Variants in XK observed in about 807,000 individuals in gnomAD.
XK encodes the protein endoplasmic reticulum membrane adapter protein XK.
XK carries 2 observed loss-of-function variants against 14.0 expected under a neutral mutation model. The observed-to-expected ratio is 0.14, with a 90% CI of 0.06 to 0.45. The LOEUF (loss-of-function observed/expected upper bound fraction) is 0.45, where lower values mean the gene tolerates loss of function less well. XK is among the 20% of genes least tolerant of loss of function. XK has a pLI of 0.98. For synonymous variants in XK, 149 were observed against 147.5 expected (o/e 1.01, Z -0.08); for missense variants, 235 against 341.5 (o/e 0.69, Z 2.46).
intron 1 of XK, among the ~76,000 whole-genome samples, chrX:37,692,602 T>C (rs1927224166): frequency 1.8e-5 from 2 of 111,689 alleles, no homozygotes; most frequent in African/African-American, 3.3e-5. Context: ...GGTTTCACCA[T>C]GTTGGCCAGA....
chrX:37,685,991 C>T lies in XK; in HGVS notation c.30C>T (p.Ser10=). ...AATTCCCGGCCTCGGTGCTGGCGTC[C>T]GTGTTCCTGTTCGTGGCCGAGACAA... MKFPASVLA[S]VFLFVAETTA... is the part of the protein sequence containing the mutation. Residue 10 remains serine, a synonymous_variant, in exon 1 of 3, where the codon TCC becomes TCT. Coordinates refer to ENST00000378616, the MANE Select transcript of XK (RefSeq NM_021083.4). The T allele has an allele frequency of 3.3e-6, 4 of 1,207,796 alleles. No individual in the cohort carries two copies. Among genetic ancestry groups the T allele is most frequent in the Non-Finnish European group, 4.5e-6 (4 of 894,085 alleles).
intron 2 of XK, among the ~76,000 whole-genome samples, chrX:37,716,024 A>G (rs1387651708): frequency 1.8e-5 from 2 of 111,692 alleles, no homozygotes; most frequent in Non-Finnish European, 3.8e-5. Context: ...GCGGGAAGAC[A>G]TATGCCTCCT....
chrX:37,711,202 G>C (rs1927657829), intron 2 of XK, among the ~76,000 whole-genome samples: 1 of 112,500 alleles, frequency 8.9e-6, no homozygotes, highest in South Asian at 3.7e-4. Flanking sequence ...ATTTAGTATG[G>C]AGGCAGGAAT....
In XK at chrX:37,699,779, G is replaced by A. The variant is rs1341434103; in HGVS notation, c.508+5231G>A. ...CAGTTATTAGGGTGAGCAGGTTCCT[G>A]TCAGAAACATTTTGAGGCCGGGCTT... is the stretch of plus-strand genomic sequence containing the variant. On this transcript the variant is annotated intron_variant, in intron 2 of 2. Coordinates refer to ENST00000378616, the MANE Select transcript of XK (RefSeq NM_021083.4). Among the ~76,000 whole-genome samples the A allele has an allele frequency of 8.0e-5, 9 of 111,822 alleles. No individual in the cohort carries two copies. In the East Asian group the frequency reaches 2.2e-3, roughly 28 times the overall value.
intron 2 of XK, among the ~76,000 whole-genome samples, chrX:37,716,798 T>TTTTG (rs782086867): frequency 3.6e-5 from 4 of 111,788 alleles, no homozygotes; most frequent in African/African-American, 6.5e-5. Flanking sequence ...GGAAGAGTTT[T>TTTTG]TTTGTTTGTT....
chrX:37,690,400 T>C (rs1312079095), intron 1 of XK, among the ~76,000 whole-genome samples: 1 of 112,409 alleles, frequency 8.9e-6, no homozygotes, highest in Non-Finnish European at 1.9e-5. Context: ...AGTATTTCTT[T>C]GGAAAAAGTA....
intron 2 of XK, among the ~76,000 whole-genome samples, chrX:37,725,123 T>A (rs1556449760): frequency 9.0e-6 from 1 of 111,272 alleles, no homozygotes. Flanking sequence ...TCTAAAAAAG[T>A]CAAATTGATA....
chrX:37,727,665 A>G lies in XK; in HGVS notation c.538A>G (p.Ile180Val), dbSNP rs1556450304. Residue 180 changes from isoleucine (I) to valine (V), a missense_variant, in exon 3 of 3, where the codon ATT (isoleucine) becomes GTT (valine). Transcript: ENST00000378616. The part of the protein sequence containing the change: ...SLLMTISLLS[I>V]VYGALRCNIL... ...CCTCATGACCATATCCCTGTTGTCC[A>G]TTGTGTATGGAGCCTTGCGCTGCAA... 4.1e-6 allele frequency: 5 copies of G among 1,208,256 alleles called. No individual in the cohort carries two copies. Among genetic ancestry groups the G allele is most frequent in the Admixed American group, 2.2e-5 (1 of 45,639 alleles).
In XK at chrX:37,694,551, A is replaced by AC. The variant is rs1556442220; in HGVS notation, c.508+4dup. The AC allele has an allele frequency of 8.4e-7, 1 of 1,186,637 alleles. No individual in the cohort carries two copies. The highest frequency in any genetic ancestry group is 1.8e-5 in the African/African-American group (1 of 56,829). On this transcript the variant is annotated splice_donor_region_variant and intron_variant, in intron 2 of 2. Transcript: ENST00000378616. ...GCAGGACGTCACTGTTGGAAGAAGT[A>AC]CGTGTATTTTTTATTTCTGCCTGCA...
intron 2 of XK, among the ~76,000 whole-genome samples, chrX:37,699,592 A>G (rs1927370738): frequency 8.9e-6 from 1 of 112,333 alleles, no homozygotes; most frequent in African/African-American, 3.2e-5. Flanking sequence ...TATAGCTTAC[A>G]GAAGAATGTA....
chrX:37,732,064 C>A lies in XK; in HGVS notation c.*3602C>A, dbSNP rs1296221104. 9.0e-6 allele frequency: 1 copy of A among 111,621 alleles called. No homozygotes were observed. The highest frequency in any genetic ancestry group is 1.9e-5 in the Non-Finnish European group (1 of 53,013). 9.2% of individuals were successfully genotyped at this position (111,621 alleles called of 1,213,427 possible). A position where few individuals can be genotyped will look rare whatever the true frequency, so the allele number is the denominator to read the frequency against. ...CTTTCGTTGACTGCTTCTCTGCAGT[C>A]GTTGATGCTAATAAATATTGTCCTG... On this transcript the variant is annotated 3_prime_UTR_variant, in exon 3 of 3. Transcript: ENST00000378616.
intron 1 of XK, among the ~76,000 whole-genome samples, chrX:37,694,018 C>G (rs1556442057): frequency 1.8e-5 from 2 of 112,158 alleles, no homozygotes. Context: ...GAACCACTTT[C>G]CATTCTCTAA....
intron 1 of XK, among the ~76,000 whole-genome samples, chrX:37,687,953 G>C (rs113927209): frequency 0.019 from 2,066 of 110,799 alleles, 41 homozygotes; most frequent in African/African-American, 0.065. Context: ...TCCTAGCCAG[G>C]TAAGCCCTGT....
rs1370758993 is a variant in XK at position 37,731,543 on chromosome X, A to T, written c.*3081A>T. 1.8e-5 allele frequency: 2 copies of T among 112,573 alleles called. No individual in the cohort carries two copies. Among genetic ancestry groups the T allele is most frequent in the Admixed American group, 9.4e-5 (1 of 10,624 alleles). 9.3% of individuals were successfully genotyped at this position (112,573 alleles called of 1,213,427 possible). ...TTGAAAATGTTTTTAAGTGCTATGCATATTTATAGAGTTATTATAGTTATT... is the reference window on the plus strand; with the variant it reads ...TTGAAAATGTTTTTAAGTGCTATGCTTATTTATAGAGTTATTATAGTTATT... On this transcript the variant is annotated 3_prime_UTR_variant, in exon 3 of 3. Coordinates refer to ENST00000378616, the MANE Select transcript of XK (RefSeq NM_021083.4).
At position 37,729,988 on chromosome X, in the gene XK, A is replaced by G. The variant is rs185849854; in HGVS notation, c.*1526A>G. 2 of 112,173 alleles carry G rather than the reference A, an allele frequency of 1.8e-5. No homozygotes were observed. Among genetic ancestry groups the G allele is most frequent in the Admixed American group, 1.9e-4 (2 of 10,574 alleles). The allele number at this position is 112,173 out of a possible 1,213,427, so 9.2% of individuals were successfully genotyped here. ...CATTCGGAGGTCAAGAAAGCAGTAT[A>G]TATTCTTTCACAAGGCATCCATACT... On this transcript the variant is annotated 3_prime_UTR_variant, in exon 3 of 3. Transcript: ENST00000378616.
chrX:37,726,389 G>A (rs781919976), intron 2 of XK, among the ~76,000 whole-genome samples: 1 of 112,110 alleles, frequency 8.9e-6, no homozygotes, highest in East Asian at 2.8e-4. Flanking sequence ...TTATGGGTGA[G>A]AAAACAGAAC....
At chrX:37,718,952 A>G (rs1927817729) in intron 2 of XK, among the ~76,000 whole-genome samples, 1 of 111,206 alleles carries the variant, frequency 9.0e-6, no homozygotes, top group Non-Finnish European at 1.9e-5. Flanking sequence ...CCTTGTTCAT[A>G]CCTTCTTGTA....
chrX:37,685,957 C>T lies in XK; in HGVS notation c.-5C>T. 1 of 1,205,070 alleles carries T rather than the reference C, an allele frequency of 8.3e-7. No individual in the cohort carries two copies. Among genetic ancestry groups the T allele is most frequent in the Non-Finnish European group, 1.1e-6 (1 of 893,252 alleles). Reference sequence around the variant, plus strand: ...GTCCCCGGTGAGCGCCGCTGACGCGCGGAGATGAAATTCCCGGCCTCGGTG... The same window carrying T: ...GTCCCCGGTGAGCGCCGCTGACGCGTGGAGATGAAATTCCCGGCCTCGGTG... On this transcript the variant is annotated 5_prime_UTR_variant, in exon 1 of 3. Coordinates refer to ENST00000378616, the MANE Select transcript of XK (RefSeq NM_021083.4).
chrX:37,687,170 C>T (rs977849495), intron 1 of XK, among the ~76,000 whole-genome samples: 2 of 103,349 alleles, frequency 1.9e-5, no homozygotes, highest in Admixed American at 1.0e-4. Flanking sequence ...CTCTCTCTCT[C>T]TCTCTCTCTT....
Sources: allele counts gnomAD v4.1 joint callset (sites outside exome capture counted in the v4.1 genomes callset), GRCh38; gene constraint gnomAD v4.1.1; transcripts MANE v1.5; gene names NCBI Gene and HGNC (gene_info 2026-07-23, HGNC 2026-07-21).